CAST: variants seen among roughly 807,000 people sequenced by gnomAD.
CAST encodes calpastatin, also known as MIR583 host.
A neutral mutation model predicts 119.6 loss-of-function variants in CAST; 76 were observed. The observed-to-expected ratio is 0.64, with a 90% CI of 0.53 to 0.77. The LOEUF is 0.77. Among genes scored for constraint, CAST ranks in the 30% least tolerant of loss-of-function variants. CAST has a pLI of 0.00. For missense variants in CAST, 953 were observed against 946.5 expected, an observed-to-expected ratio of 1.01 and a Z score of -0.09; for synonymous variants, 319 against 331.6, an observed-to-expected ratio of 0.96 and a Z score of 0.41.
chr5:96,289,771 T>C, the CAST span, among the ~76,000 whole-genome samples: 44 of 152,266 alleles, frequency 2.9e-4, no homozygotes, highest in South Asian at 9.1e-3. Flanking sequence ...ACGTGATAAT[T>C]GGAAGTCATC....
the CAST span, among the ~76,000 whole-genome samples, chr5:96,277,720 C>CA: frequency 6.7e-6 from 1 of 150,048 alleles, no homozygotes; most frequent in Non-Finnish European, 1.5e-5. Flanking sequence ...AATATAGTCT[C>CA]AAAATATACA....
intron 1 of CAST, among the ~76,000 whole-genome samples, chr5:96,612,413 A>C (rs1439247456): frequency 6.6e-6 from 1 of 152,112 alleles, no homozygotes; most frequent in Non-Finnish European, 1.5e-5. Context: ...GAACAATAAC[A>C]CTAAGGACTC....
intron 1 of CAST, among the ~76,000 whole-genome samples, chr5:96,569,903 T>G (rs1187315597): frequency 6.6e-6 from 1 of 152,064 alleles, no homozygotes; most frequent in Non-Finnish European, 1.5e-5. Flanking sequence ...TCGGCAGGGG[T>G]TTAACATTGT....
At chr5:96,425,014 AAG>A in the CAST span, among the ~76,000 whole-genome samples, 1 of 45,942 alleles carries the variant, frequency 2.2e-5, no homozygotes, top group Non-Finnish European at 4.6e-5. Flanking sequence ...AAAGAAAAGA[AAG>A]AAAGAAAGAA....
chr5:96,405,205 ATGAAT>A, the CAST span, among the ~76,000 whole-genome samples: 2 of 152,194 alleles, frequency 1.3e-5, no homozygotes, highest in Non-Finnish European at 2.9e-5. Flanking sequence ...TATCTTACTG[ATGAAT>A]TGAGTCAAAA....
chr5:96,674,408 C>T, intron 1 of CAST, among the ~76,000 whole-genome samples: 1 of 151,788 alleles, frequency 6.6e-6, no homozygotes, highest in East Asian at 1.9e-4. Context: ...AACATAATAG[C>T]ATTTTATATT....
At chr5:96,292,758 C>T in the CAST span, among the ~76,000 whole-genome samples, 1 of 152,182 alleles carries the variant, frequency 6.6e-6, no homozygotes, top group Non-Finnish European at 1.5e-5. Context: ...CACTGCGTCA[C>T]AAGGATGACC....
At chr5:96,413,005 G>A in the CAST span, 28 of 979,828 alleles carry the variant, frequency 2.9e-5, no homozygotes, top group Admixed American at 1.7e-4. Context: ...CCCAGTCTAC[G>A]CCACACAAGG....
chr5:96,487,863 T>C, the CAST span, among the ~76,000 whole-genome samples: 1 of 152,178 alleles, frequency 6.6e-6, no homozygotes, highest in African/African-American at 2.4e-5. Flanking sequence ...ACCAAACACA[T>C]AATGTTAAGC....
the CAST span, among the ~76,000 whole-genome samples, chr5:96,015,329 A>G: frequency 1.3e-5 from 2 of 152,176 alleles, no homozygotes; most frequent in Non-Finnish European, 2.9e-5. Flanking sequence ...AGGGCACCAA[A>G]GAATTTCTAC....
chr5:96,757,599 T>C lies in CAST; in HGVS notation c.1778T>C (p.Phe593Ser). Residue 593 changes from phenylalanine (F) to serine (S), a missense_variant, in exon 24 of 32, where the codon TTC (phenylalanine) becomes TCC (serine). Transcript: ENST00000675179. ...TTCTTGCAGCCCATGAGTGAAGACT[T>C]CCTTCTGGATGCTTTGTCTGAGGAC... The part of the protein sequence containing the change: ...KEQLPPMSED[F>S]LLDALSEDFS... 6.2e-7 allele frequency: 1 copy of C among 1,613,948 alleles called. No individual in the cohort carries two copies. Among genetic ancestry groups the C allele is most frequent in the Non-Finnish European group, 8.5e-7 (1 of 1,179,834 alleles).
chr5:96,599,433 G>C (rs139988841), intron 1 of CAST, among the ~76,000 whole-genome samples: 204 of 152,234 alleles, frequency 1.3e-3, no homozygotes, highest in Non-Finnish European at 2.4e-3. Context: ...ATCTATCTAA[G>C]CAAGCTGTAA....
chr5:96,675,319 T>C lies in CAST; in HGVS notation c.76-220T>C, dbSNP rs17086504. The stretch of plus-strand genomic sequence containing the variant: ...TTGGCATCACCATCAGCTCTGCATC[T>C]AGTTAATTACAGACTGACCTTCTAG... On this transcript the variant is annotated intron_variant, in intron 1 of 31. Coordinates refer to ENST00000675179, the MANE Select transcript of CAST (RefSeq NM_001750.7). Among the ~76,000 whole-genome samples the C allele has an allele frequency of 0.043, 6,572 of 152,302 alleles. 185 individuals are homozygous for C. Among genetic ancestry groups the C allele is most frequent in the Middle Eastern group, 0.092 (27 of 294 alleles).
At chr5:96,477,300 ACGCG>A in the CAST span, among the ~76,000 whole-genome samples, 1 of 133,250 alleles carries the variant, frequency 7.5e-6, no homozygotes, top group Non-Finnish European at 1.6e-5. Context: ...ATATGCACGC[ACGCG>A]TGCACACACA....
Position 96,638,946 on chromosome 5 carries a change from C to A in CAST, c.61-36593C>A, listed in dbSNP as rs554236992. 1.1e-4 allele frequency among the ~76,000 whole-genome samples: 17 copies of A among 152,318 alleles called. No homozygotes were observed. In the South Asian group the frequency reaches 1.5e-3, roughly 13 times the overall value. On this transcript the variant is annotated intron_variant, in intron 1 of 11. Coordinates refer to the CAST transcript ENST00000505143. Reference sequence around the variant, plus strand: ...GACATTGTTTTCAAAGAGAGACAGCCTGCCTCAGAGGACTTCATCCCTTCT... The same window carrying A: ...GACATTGTTTTCAAAGAGAGACAGCATGCCTCAGAGGACTTCATCCCTTCT...
intron 1 of CAST, among the ~76,000 whole-genome samples, chr5:96,621,425 T>G (rs1186250641): frequency 6.6e-6 from 1 of 152,202 alleles, no homozygotes. Flanking sequence ...GGAGAGAAGT[T>G]TAATTGACTC....
At chr5:96,614,133 ACT>A (rs1747413004) in intron 1 of CAST, among the ~76,000 whole-genome samples, 2 of 152,048 alleles carry the variant, frequency 1.3e-5, no homozygotes, top group South Asian at 2.1e-4. Context: ...ACCACCACTA[ACT>A]CTACAGCATT....
rs1482375427 is a variant in CAST, at chr5:96,732,273, A to G, written c.630+1413A>G. 1.5e-4 allele frequency among the ~76,000 whole-genome samples: 20 copies of G among 135,336 alleles called. No homozygotes were observed. The East Asian group carries it at 3.8e-3, about 26-fold the overall frequency. The allele number at this position is 135,336 out of a possible 152,430, so 88.8% of individuals were successfully genotyped here. On this transcript the variant is annotated intron_variant, in intron 9 of 31. Coordinates refer to ENST00000675179, the MANE Select transcript of CAST (RefSeq NM_001750.7). ...GGCCAGTGATGATGAGCATTTTTTC[A>G]TGTGTCTTTTGGCTGCATAAATGTC...
At chr5:96,162,456 C>T in the CAST span, among the ~76,000 whole-genome samples, 484 of 152,216 alleles carry the variant, frequency 3.2e-3, 5 homozygotes, top group Admixed American at 8.1e-3. Flanking sequence ...CTTGCTCTGT[C>T]GCCCAGGCTG....
Sources: allele counts gnomAD v4.1 joint callset (sites outside exome capture counted in the v4.1 genomes callset), GRCh38; gene constraint gnomAD v4.1.1; transcripts MANE v1.5; gene names NCBI Gene and HGNC (gene_info 2026-07-23, HGNC 2026-07-21).